Variants in RIOK2 observed in about 807,000 individuals in gnomAD.
RIOK2 encodes serine/threonine-protein kinase RIO2.
Under a neutral mutation model 62.4 loss-of-function variants are expected in RIOK2, and 46 were observed. The observed-to-expected ratio is 0.74, with a 90% CI of 0.58 to 0.94. The LOEUF (loss-of-function observed/expected upper bound fraction) is 0.94. RIOK2 is among the 40% of genes least tolerant of loss of function. RIOK2 has a pLI of 0.00. For synonymous variants in RIOK2, 197 were observed against 216.0 expected (o/e 0.91, Z 0.77); for missense variants, 574 against 658.0 (o/e 0.87, Z 1.40).
chr5:97,178,630 CGTGCTCTTCTGT>C (rs1749243249), intron 2 of RIOK2, among the ~76,000 whole-genome samples: 1 of 141,296 alleles, frequency 7.1e-6, no homozygotes, highest in South Asian at 2.4e-4. Context: ...GCAGTACCTA[CGTGCTCTTCTGT>C]ACTCTACATG....
At chr5:97,179,971 AT>A (rs1197564614) in intron 1 of RIOK2, among the ~76,000 whole-genome samples, 11 of 53,312 alleles carry the variant, frequency 2.1e-4, no homozygotes, top group African/African-American at 6.9e-4. Context: ...TTTTATATAT[AT>A]ATATAATATA....
intron 9 of RIOK2, 37 bp downstream of exon 9, chr5:97,165,014 G>A (rs1394179723): frequency 7.5e-7 from 1 of 1,324,596 alleles, no homozygotes; most frequent in Non-Finnish European, 1.1e-6. Flanking sequence ...CAGTAGTGAT[G>A]TAATAAACAT....
chr5:97,169,586 G>C (rs1321250799), intron 6 of RIOK2, among the ~76,000 whole-genome samples: 1 of 152,160 alleles, frequency 6.6e-6, no homozygotes, highest in Admixed American at 6.5e-5. Flanking sequence ...ATGAAGTTTG[G>C]AAATAGGAAG....
At chr5:97,165,396 A>G (rs557866875) in intron 8 of RIOK2, among the ~76,000 whole-genome samples, 17 of 152,218 alleles carry the variant, frequency 1.1e-4, no homozygotes, top group Non-Finnish European at 2.4e-4. Context: ...TGCTTAAGCC[A>G]TTGAAATTTA....
chr5:97,171,360 A>G lies in RIOK2; in HGVS notation c.625T>C (p.Tyr209His), dbSNP rs2112833505. The change falls in exon 6 of 10, where the codon TAT becomes CAT. Residue 209 changes from tyrosine (Y) to histidine (H), a missense_variant. Physicochemically the swap from Tyr to His is moderately conservative, Grantham distance 83 (BLOSUM62 2). Transcript: ENST00000283109. Reference protein sequence around the residue: ...IHHVEDPASVYDEAMELIVKL... With the variant: ...IHHVEDPASVHDEAMELIVKL... ...ACAATTAGTTCCATAGCTTCATCAT[A>G]TACTGATGCAGGATCTTCAACATGG... 2.5e-6 allele frequency: 4 copies of G among 1,577,404 alleles called. No individual in the cohort carries two copies. In the East Asian group the frequency reaches 6.8e-5, roughly 27 times the overall value.
At chr5:97,180,144 A>AAG (rs1749357156) in intron 1 of RIOK2, among the ~76,000 whole-genome samples, 1 of 57,548 alleles carries the variant, frequency 1.7e-5, no homozygotes, top group Admixed American at 2.4e-4. Context: ...ATATATATGT[A>AAG]TATATATATA....
intron 1 of RIOK2, among the ~76,000 whole-genome samples, chr5:97,181,289 A>G (rs1287034901): frequency 1.3e-5 from 2 of 151,004 alleles, no homozygotes; most frequent in Non-Finnish European, 2.9e-5. Context: ...AAAAAAAAGA[A>G]AGAGAGAAAA....
At chr5:97,164,249 C>T (rs1748781455) in intron 9 of RIOK2, among the ~76,000 whole-genome samples, 1 of 151,744 alleles carries the variant, frequency 6.6e-6, no homozygotes, top group African/African-American at 2.4e-5. Flanking sequence ...GCCTGAAATC[C>T]CAGCACTTTG....
In RIOK2 at chr5:97,171,258, T is replaced by C. The variant is rs779266295; in HGVS notation, c.727A>G (p.Thr243Ala). 5.0e-6 allele frequency: 8 copies of C among 1,602,836 alleles called. No individual in the cohort carries two copies. In the East Asian group the frequency reaches 1.6e-4, roughly 32 times the overall value. ...ACCATCTGTGGAAAATCAATCATGG[T>C]GATATGGTCACTTTCATCCAAAATG... is the stretch of plus-strand genomic sequence containing the variant. The part of the protein sequence containing the change: ...NLILDESDHI[T>A]MIDFPQMVST... Residue 243 changes from threonine to alanine, a missense_variant, in exon 6 of 10, where the codon ACC (threonine) becomes GCC (alanine). Transcript: ENST00000283109.
intron 5 of RIOK2, 71 bp downstream of exon 5, chr5:97,173,104 A>T (rs1380566215): frequency 6.1e-6 from 7 of 1,142,782 alleles, no homozygotes; most frequent in South Asian, 1.6e-5. Context: ...ACTAAAAAAA[A>T]TTTTATTAAA....
chr5:97,164,540 C>CAA (rs1311003164), intron 9 of RIOK2, among the ~76,000 whole-genome samples: 2 of 151,360 alleles, frequency 1.3e-5, no homozygotes, highest in Admixed American at 6.6e-5. Flanking sequence ...AAAACAAAAA[C>CAA]AAACAACAAC....
rs1392803582 is a variant in RIOK2, at chr5:97,167,808, A to AT, written c.1055dup (p.Asn352LysfsTer2). ...CTTCTAGACAGTTCCGTTCACTTTC[A>AT]TTTTCTGACCCGTAAACCTCTGCTT... is the stretch of plus-strand genomic sequence containing the variant. On this transcript the variant is annotated frameshift_variant, in exon 8 of 10. Coordinates refer to ENST00000283109, the MANE Select transcript of RIOK2 (RefSeq NM_018343.3). LOFTEE classifies it high-confidence loss of function. The AT allele has an allele frequency of 5.6e-6, 9 of 1,613,994 alleles. No homozygotes were observed. Among genetic ancestry groups the AT allele is most frequent in the Non-Finnish European group, 7.6e-6 (9 of 1,180,016 alleles).
chr5:97,162,950 T>C lies in RIOK2; in HGVS notation c.*111A>G, dbSNP rs1748741948. The stretch of plus-strand genomic sequence containing the variant: ...GACCAAATTTATAGATGAAAGAGGG[T>C]TTATTTATTAATATATGATAGCCTT... On this transcript the variant is annotated 3_prime_UTR_variant, in exon 10 of 10. Transcript: ENST00000283109. 3 of 874,798 alleles carry C rather than the reference T, an allele frequency of 3.4e-6. No homozygotes were observed. Among genetic ancestry groups the C allele is most frequent in the East Asian group, 2.7e-5 (1 of 37,190 alleles). 54.2% of individuals were successfully genotyped at this position (874,798 alleles called of 1,614,324 possible). A position where few individuals can be genotyped will look rare whatever the true frequency, so the allele number is the denominator to read the frequency against.
intron 6 of RIOK2, 24 bp from the exon 7 acceptor site, chr5:97,168,876 G>T: frequency 2.8e-6 from 4 of 1,417,750 alleles, no homozygotes; most frequent in South Asian, 2.5e-5. Context: ...AATCATTTAT[G>T]ATATAGTCTT....
chr5:97,177,812 T>C lies in RIOK2; in HGVS notation c.242A>G (p.Asp81Gly). The C allele has an allele frequency of 6.2e-7, 1 of 1,613,544 alleles. No homozygotes were observed. Among genetic ancestry groups the C allele is most frequent in the Non-Finnish European group, 8.5e-7 (1 of 1,179,636 alleles). Residue 81 changes from aspartate (D) to glycine (G), a missense_variant, in exon 3 of 10, where the codon GAT becomes GGT. Coordinates refer to ENST00000283109, the MANE Select transcript of RIOK2 (RefSeq NM_018343.3). Reference sequence around the variant, plus strand: ...AGAAAGTGTTTTCAAAGCTAGGTAATCATATCCTGCATTTGTCAACCGATA... The same window carrying C: ...AGAAAGTGTTTTCAAAGCTAGGTAACCATATCCTGCATTTGTCAACCGATA... ...QGYRLTNAGY[D>G]YLALKTLSSR...
chr5:97,168,010 A>G lies in RIOK2; in HGVS notation c.873-19T>C. On this transcript the variant is annotated intron_variant, in intron 7 of 9. Transcript: ENST00000283109. The stretch of plus-strand genomic sequence containing the variant: ...TTCTCTCCTAGAAAAAAAAGGCGTC[A>G]AGCATAGAAAGAGAGAAAAAATGTT... The G allele has an allele frequency of 6.4e-7, 1 of 1,551,516 alleles. No homozygotes were observed. Among genetic ancestry groups the G allele is most frequent in the Non-Finnish European group, 8.6e-7 (1 of 1,160,462 alleles).
At chr5:97,182,727 G>A in intron 1 of RIOK2, 1 of 225,568 alleles carries the variant, frequency 4.4e-6, no homozygotes, top group Admixed American at 6.0e-5. Context: ...GAATCAGAAA[G>A]ACTGCTATGC....
rs316214 is a variant in RIOK2 at position 97,161,934 on chromosome 5, G to A, written c.*1127C>T. The A allele has an allele frequency of 6.6e-6, 1 of 151,976 alleles. No homozygotes were observed. The highest frequency in any genetic ancestry group is 1.5e-5 in the Non-Finnish European group (1 of 67,968). The allele number at this position is 151,976 out of a possible 1,614,324, so 9.4% of individuals were successfully genotyped here. A position where few individuals can be genotyped will look rare whatever the true frequency, so the allele number is the denominator to read the frequency against. Reference sequence around the variant, plus strand: ...GAATGTCAGGTAACTTTTGAGGGAAGAGGAATTGGCATTTTCTAGCTTCTA... The same window carrying A: ...GAATGTCAGGTAACTTTTGAGGGAAAAGGAATTGGCATTTTCTAGCTTCTA... On this transcript the variant is annotated 3_prime_UTR_variant, in exon 10 of 10. Coordinates refer to ENST00000283109, the MANE Select transcript of RIOK2 (RefSeq NM_018343.3).
intron 1 of RIOK2, among the ~76,000 whole-genome samples, chr5:97,179,502 A>G (rs1749276462): frequency 1.3e-5 from 2 of 152,298 alleles, no homozygotes; most frequent in Admixed American, 6.5e-5. Flanking sequence ...GATATGCCAG[A>G]TATTTATTAA....
Sources: gnomAD v4.1 joint callset for allele counts (sites outside exome capture counted in the v4.1 genomes callset) on GRCh38, gnomAD v4.1.1 for gene constraint, MANE v1.5 for transcripts, NCBI Gene and HGNC (gene_info 2026-07-23, HGNC 2026-07-21) for gene names.